The following ATP13A4 variants were observed in gnomAD, a reference collection of about 807,000 sequenced individuals.
ATP13A4 encodes the protein ATPase 13A4.
ATP13A4 carries 114 observed loss-of-function variants against 142.5 expected under a neutral mutation model. The observed-to-expected ratio is 0.80, with a 90% CI of 0.69 to 0.93. The LOEUF is 0.93. Ranked by LOEUF, ATP13A4 falls within the 40% of genes least tolerant of loss-of-function variation. ATP13A4 has a pLI of 0.00. For synonymous variants in ATP13A4, 488 were observed against 514.8 expected (o/e 0.95, Z 0.70); for missense variants, 1,392 against 1,454.0 (o/e 0.96, Z 0.69).
intron 1 of ATP13A4, among the ~76,000 whole-genome samples, chr3:193,530,611 C>T (rs1169956489): frequency 6.6e-6 from 1 of 152,198 alleles, no homozygotes; most frequent in African/African-American, 2.4e-5. Context: ...GGAATCACTG[C>T]AAGAGCCAAT....
At chr3:193,502,672 T>C in intron 2 of ATP13A4, 33 bp from the exon 3 acceptor site, 1 of 1,602,004 alleles carries the variant, frequency 6.2e-7, no homozygotes, top group Non-Finnish European at 8.6e-7. Flanking sequence ...CCCCAAGAAG[T>C]TAAGAGAGGT....
chr3:193,533,070 A>G (rs1210686363), intron 1 of ATP13A4, among the ~76,000 whole-genome samples: 1 of 152,164 alleles, frequency 6.6e-6, no homozygotes, highest in Non-Finnish European at 1.5e-5. Context: ...AACTTTATAA[A>G]TAAAAATAAA....
intron 1 of ATP13A4, among the ~76,000 whole-genome samples, chr3:193,533,903 C>T (rs1481841982): frequency 6.6e-6 from 1 of 152,160 alleles, no homozygotes; most frequent in Non-Finnish European, 1.5e-5. Context: ...GGAGTCTGGG[C>T]CTCCACCCCC....
At chr3:193,434,521 A>G (rs974716293) in intron 24 of ATP13A4, among the ~76,000 whole-genome samples, 3 of 152,192 alleles carry the variant, frequency 2.0e-5, no homozygotes, top group Non-Finnish European at 4.4e-5. Context: ...TCTACTTTTG[A>G]GTATAATTTG....
At chr3:193,506,234 A>C (rs905224771) in intron 2 of ATP13A4, among the ~76,000 whole-genome samples, 2 of 152,224 alleles carry the variant, frequency 1.3e-5, no homozygotes, top group African/African-American at 4.8e-5. Flanking sequence ...TTTGTAAAAT[A>C]CTTAAATGTA....
chr3:193,568,773 G>T (rs1299063300), intron 2 of ATP13A4, among the ~76,000 whole-genome samples: 2 of 151,986 alleles, frequency 1.3e-5, no homozygotes, highest in African/African-American at 4.8e-5. Context: ...TAATGAGGAT[G>T]GGTCAAATGG....
At position 193,441,001 on chromosome 3, in the gene ATP13A4, A is replaced by ATC. The variant is rs111272453; in HGVS notation, c.2440-366_2440-365dup. Among the ~76,000 whole-genome samples, 1,465 of 149,838 alleles carry ATC rather than the reference A, an allele frequency of 9.8e-3. 13 individuals carry two copies. The highest frequency in any genetic ancestry group is 0.024 in the East Asian group (118 of 4,920). ...ATCTATATATCTAAACTATCGATCTATCTCTCTCTCTCTCTCTATATATAT... is the reference window on the plus strand; with the variant it reads ...ATCTATATATCTAAACTATCGATCTATCTCTCTCTCTCTCTCTCTATATATAT... On this transcript the variant is annotated intron_variant, in intron 20 of 29. Coordinates refer to ENST00000342695, the MANE Select transcript of ATP13A4 (RefSeq NM_032279.4).
At chr3:193,438,350 T>G in intron 23 of ATP13A4, 125 bp downstream of exon 23, 1 of 781,206 alleles carries the variant, frequency 1.3e-6, no homozygotes, top group Middle Eastern at 2.5e-4. Context: ...TTGACTGCAT[T>G]CTTCCACAAA....
chr3:193,525,470 C>T (rs1056126133), intron 1 of ATP13A4, among the ~76,000 whole-genome samples: 1 of 152,134 alleles, frequency 6.6e-6, no homozygotes, highest in Non-Finnish European at 1.5e-5. Flanking sequence ...CCACTAACTA[C>T]AGGATTTTAG....
intron 1 of ATP13A4, among the ~76,000 whole-genome samples, chr3:193,521,220 A>G (rs541476965): frequency 2.6e-5 from 4 of 152,362 alleles, no homozygotes; most frequent in Non-Finnish European, 5.9e-5. Context: ...GAGTTTTAAA[A>G]TAACTATAAT....
At chr3:193,454,491 T>C (rs1244669488) in intron 16 of ATP13A4, among the ~76,000 whole-genome samples, 1 of 152,228 alleles carries the variant, frequency 6.6e-6, no homozygotes, top group African/African-American at 2.4e-5. Flanking sequence ...AAACATTTAT[T>C]GAGAATCTAC....
chr3:193,508,210 A>G (rs1720958102), intron 2 of ATP13A4, among the ~76,000 whole-genome samples: 1 of 152,200 alleles, frequency 6.6e-6, no homozygotes, highest in Non-Finnish European at 1.5e-5. Context: ...AGAACTATGA[A>G]ACAATAAATT....
intron 20 of ATP13A4, 25 bp from the exon 21 acceptor site, chr3:193,440,662 T>A: frequency 6.2e-7 from 1 of 1,611,094 alleles, no homozygotes; most frequent in Non-Finnish European, 8.5e-7. Flanking sequence ...AAATGGAGAT[T>A]TTTTTATCAA....
chr3:193,554,843 C>G lies in ATP13A4; in HGVS notation c.-44G>C, dbSNP rs748491325. The G allele has an allele frequency of 1.2e-6, 2 of 1,613,768 alleles. No homozygotes were observed. The highest frequency in any genetic ancestry group is 1.1e-5 in the South Asian group (1 of 91,060). On this transcript the variant is annotated 5_prime_UTR_variant, in exon 1 of 30. Coordinates refer to ENST00000342695, the MANE Select transcript of ATP13A4 (RefSeq NM_032279.4). ...CTCCTCCCTGACCTTGTCGTGCAGA[C>G]GCTTCCAGGATGAACTCCAACTCGC...
intron 25 of ATP13A4, among the ~76,000 whole-genome samples, chr3:193,432,616 T>C (rs1455650987): frequency 6.6e-6 from 1 of 152,012 alleles, no homozygotes; most frequent in Non-Finnish European, 1.5e-5. Flanking sequence ...TAAATGCATA[T>C]TACTAAGTGA....
chr3:193,473,377 G>C (rs1718733235), intron 8 of ATP13A4, among the ~76,000 whole-genome samples: 1 of 152,160 alleles, frequency 6.6e-6, no homozygotes, highest in Non-Finnish European at 1.5e-5. Flanking sequence ...GGTTTTCCTT[G>C]CAGCAAAATG....
intron 1 of ATP13A4, among the ~76,000 whole-genome samples, chr3:193,551,105 G>A (rs1438692455): frequency 2.0e-5 from 3 of 152,146 alleles, no homozygotes; most frequent in South Asian, 2.1e-4. Flanking sequence ...TGGTCTCTAC[G>A]GCCTATGAAT....
intron 7 of ATP13A4, among the ~76,000 whole-genome samples, chr3:193,484,808 T>G (rs73080882): frequency 0.011 from 1,711 of 152,222 alleles, 37 homozygotes; most frequent in African/African-American, 0.04. Context: ...ACCAAGAAAT[T>G]TACAGCCTGC....
chr3:193,419,104 G>A lies in ATP13A4; in HGVS notation c.2843-4354C>T, dbSNP rs187337160. On this transcript the variant is annotated intron_variant, in intron 25 of 29. Transcript: ENST00000342695. The stretch of plus-strand genomic sequence containing the variant: ...GTCAACACTGCACCCTGCCCTGCAT[G>A]GCCTGAGGGGAAGCTGTACGTTGCA... 1.3e-5 allele frequency: 2 copies of A among 151,040 alleles called. 1 individual carries two copies. The highest frequency in any genetic ancestry group is 1.4e-4 in the Admixed American group (2 of 14,648). 9.4% of individuals were successfully genotyped at this position (151,040 alleles called of 1,614,324 possible).
Sources: gnomAD v4.1 joint callset for allele counts (sites outside exome capture counted in the v4.1 genomes callset) on GRCh38, gnomAD v4.1.1 for gene constraint, MANE v1.5 for transcripts, NCBI Gene and HGNC (gene_info 2026-07-23, HGNC 2026-07-21) for gene names.